The following FAAH2 variants were observed in gnomAD, a reference collection of about 807,000 sequenced individuals.
The protein encoded by FAAH2 is fatty acid amide hydrolase 2.
A neutral mutation model predicts 36.9 loss-of-function variants in FAAH2; 60 were observed. The observed-to-expected ratio is 1.63, with a 90% CI of 1.32 to 2.02. The LOEUF (loss-of-function observed/expected upper bound fraction) is 2.02. Ranked by LOEUF, FAAH2 falls within the 30% of genes most tolerant of loss-of-function variation. FAAH2 has a pLI of 0.00. For synonymous variants in FAAH2, 214 were observed against 143.8 expected (o/e 1.49, Z -3.49); for missense variants, 689 against 397.5 (o/e 1.73, Z -6.23).
chrX:57,384,519 T>G (rs1313699263), intron 7 of FAAH2, among the ~76,000 whole-genome samples: 1 of 110,459 alleles, frequency 9.1e-6, no homozygotes, highest in African/African-American at 3.3e-5. Flanking sequence ...GCAAAGGATA[T>G]GAACAGACAC....
chrX:57,275,954 A>G, the FAAH2 span, among the ~76,000 whole-genome samples: 1 of 111,415 alleles, frequency 9.0e-6, no homozygotes, highest in Non-Finnish European at 1.9e-5. Context: ...AGAGACTTAG[A>G]CTCCCACACA....
chrX:57,286,975 G>C lies in FAAH2; in HGVS notation c.150G>C (p.Leu50=), dbSNP rs1378219918. The part of the protein sequence containing the change: ...TPRPVTEPLL[L]LSGMQLAKLI... The stretch of plus-strand genomic sequence containing the variant: ...GGCCGGTGACTGAACCATTGCTTCT[G>C]CTTTCGGGGATGCAGCTGGCCAAGC... Residue 50 remains leucine (L), a synonymous_variant, in exon 1 of 11, where the codon CTG becomes CTC. Coordinates refer to ENST00000374900, the MANE Select transcript of FAAH2 (RefSeq NM_174912.4). 3 of 1,199,677 alleles carry C rather than the reference G, an allele frequency of 2.5e-6. No homozygotes were observed. Among genetic ancestry groups the C allele is most frequent in the Non-Finnish European group, 3.4e-6 (3 of 890,080 alleles).
intron 7 of FAAH2, among the ~76,000 whole-genome samples, chrX:57,390,462 T>C (rs965503938): frequency 4.5e-5 from 5 of 111,491 alleles, no homozygotes; most frequent in African/African-American, 1.6e-4. Flanking sequence ...ATCCCACAGG[T>C]AATTTTTCAG....
intron 8 of FAAH2, among the ~76,000 whole-genome samples, chrX:57,439,976 C>G (rs1027110269): frequency 3.6e-5 from 4 of 111,454 alleles, no homozygotes; most frequent in African/African-American, 1.3e-4. Context: ...TGTTTTGGTA[C>G]CAGTACCATG....
chrX:57,437,351 T>C (rs2056430665), intron 8 of FAAH2, among the ~76,000 whole-genome samples: 1 of 110,781 alleles, frequency 9.0e-6, no homozygotes, highest in African/African-American at 3.3e-5. Context: ...CCACTCCTAT[T>C]CAACACAGTA....
chrX:57,449,172 A>C (rs923506244), intron 10 of FAAH2, among the ~76,000 whole-genome samples: 2 of 112,099 alleles, frequency 1.8e-5, no homozygotes, highest in South Asian at 3.7e-4. Context: ...TCTATTCACC[A>C]AACTAATTTT....
intron 10 of FAAH2, among the ~76,000 whole-genome samples, chrX:57,481,386 C>T (rs1220046028): frequency 9.0e-6 from 1 of 111,259 alleles, no homozygotes; most frequent in African/African-American, 3.3e-5. Context: ...ATTTATTTAC[C>T]TTTGATCTTT....
rs749181236 is a variant in FAAH2 at position 57,448,630 on chromosome X, T to A, written c.1335T>A (p.Asp445Glu). ...LRKELVDMLGDDGVFLYPSHP... is the reference protein window; with the variant it reads ...LRKELVDMLGEDGVFLYPSHP... ...AAGAGCTGGTGGATATGCTAGGTGA[T>A]GATGGTGTGTTCTTATATCCCTCAC... Residue 445 changes from aspartate (D) to glutamate (E), a missense_variant, in exon 10 of 11, where the codon GAT becomes GAA. Transcript: ENST00000374900. The A allele has an allele frequency of 8.3e-7, 1 of 1,209,876 alleles. No individual in the cohort carries two copies. The highest frequency in any genetic ancestry group is 1.1e-6 in the Non-Finnish European group (1 of 895,065).
chrX:57,283,413 A>G (rs1228991372), upstream of FAAH2, among the ~76,000 whole-genome samples: 2 of 110,514 alleles, frequency 1.8e-5, no homozygotes. Context: ...CAGGGAGGAG[A>G]GAGTGGGCTC....
At chrX:57,479,034 G>T (rs756296187) in intron 10 of FAAH2, among the ~76,000 whole-genome samples, 10 of 111,482 alleles carry the variant, frequency 9.0e-5, no homozygotes, top group Admixed American at 2.9e-4. Flanking sequence ...GAAAGACATT[G>T]GTAGCTTGAT....
At chrX:57,259,224 A>G in the FAAH2 span, among the ~76,000 whole-genome samples, 7 of 111,941 alleles carry the variant, frequency 6.3e-5, no homozygotes, top group East Asian at 8.4e-4. Context: ...TAGAAATACC[A>G]TATAATCCAG....
the FAAH2 span, among the ~76,000 whole-genome samples, chrX:57,230,241 T>A: frequency 8.9e-6 from 1 of 112,252 alleles, no homozygotes; most frequent in Non-Finnish European, 1.9e-5. Context: ...TTCACTCTTT[T>A]GTGAAACCTC....
intron 7 of FAAH2, among the ~76,000 whole-genome samples, chrX:57,430,629 C>T (rs1255441302): frequency 4.5e-5 from 5 of 112,188 alleles, no homozygotes; most frequent in African/African-American, 1.6e-4. Context: ...GATTAACTAA[C>T]AATGTCATAG....
intron 7 of FAAH2, among the ~76,000 whole-genome samples, chrX:57,409,486 T>C (rs1329635756): frequency 9.0e-6 from 1 of 111,454 alleles, no homozygotes; most frequent in Non-Finnish European, 1.9e-5. Context: ...CTTTAAATCA[T>C]TGGTAAAATT....
At chrX:57,160,194 G>T in the FAAH2 span, among the ~76,000 whole-genome samples, 11 of 111,897 alleles carry the variant, frequency 9.8e-5, no homozygotes, top group African/African-American at 3.6e-4. Context: ...AAGCCCACTT[G>T]ATCATGGTGG....
At chrX:57,275,486 A>G in the FAAH2 span, among the ~76,000 whole-genome samples, 1 of 112,214 alleles carries the variant, frequency 8.9e-6, no homozygotes, top group Admixed American at 9.5e-5. Flanking sequence ...AATTGTAAAG[A>G]CCATCGATGC....
At chrX:57,394,191 C>A in intron 7 of FAAH2, 1 of 654,764 alleles carries the variant, frequency 1.5e-6, no homozygotes, top group Non-Finnish European at 2.6e-6. Context: ...CCTTTTATTC[C>A]AAAGGTGGGG....
chrX:57,380,860 T>G, intron 6 of FAAH2, 52 bp from the exon 7 acceptor site: 2 of 781,695 alleles, frequency 2.6e-6, no homozygotes, highest in Middle Eastern at 3.7e-4. Context: ...ATTGAACTAT[T>G]AAGGATATCT....
intron 10 of FAAH2, among the ~76,000 whole-genome samples, chrX:57,473,594 T>C (rs1196952264): frequency 9.0e-6 from 1 of 111,563 alleles, no homozygotes; most frequent in African/African-American, 3.2e-5. Context: ...TGATTATCTG[T>C]CTAGTGATAT....
Sources: allele counts gnomAD v4.1 joint callset (sites outside exome capture counted in the v4.1 genomes callset), GRCh38; gene constraint gnomAD v4.1.1; transcripts MANE v1.5; gene names NCBI Gene and HGNC (gene_info 2026-07-23, HGNC 2026-07-21).